The following CSMD3 variants were observed in gnomAD, a reference collection of about 807,000 sequenced individuals.
CSMD3 encodes the protein CUB and Sushi multiple domains 3, also known as CUB and sushi domain-containing protein 3.
Under a neutral mutation model 435.2 loss-of-function variants are expected in CSMD3, and 177 were observed. That is an observed-to-expected ratio of 0.41 (90% CI 0.36 to 0.46). CSMD3 has a LOEUF of 0.46. CSMD3 is among the 20% of genes least tolerant of loss of function. The pLI, the probability that CSMD3 is intolerant of heterozygous loss-of-function variation, is 0.34. For missense variants in CSMD3, 4,265 were observed against 4,504.6 expected, an observed-to-expected ratio of 0.95 and a Z score of 1.52; for synonymous variants, 1,656 against 1,520.5, an observed-to-expected ratio of 1.09 and a Z score of -2.07.
chr8:112,428,238 G>A (rs2130364268), intron 32 of CSMD3, among the ~76,000 whole-genome samples: 1 of 152,192 alleles, frequency 6.6e-6, no homozygotes, highest in African/African-American at 2.4e-5. Flanking sequence ...GTCTTTATCT[G>A]TAATTTAGTT....
intron 10 of CSMD3, among the ~76,000 whole-genome samples, chr8:112,870,135 G>A (rs191657475): frequency 2.0e-4 from 30 of 151,634 alleles, no homozygotes; most frequent in Admixed American, 1.6e-3. Context: ...GGGTACATGC[G>A]GCAAACATTT....
chr8:113,401,397 T>C (rs1381467351), intron 1 of CSMD3, among the ~76,000 whole-genome samples: 1 of 151,726 alleles, frequency 6.6e-6, no homozygotes, highest in African/African-American at 2.4e-5. Flanking sequence ...GTTGGTTTTA[T>C]TTAAATTTTA....
intron 10 of CSMD3, among the ~76,000 whole-genome samples, chr8:112,875,686 T>A (rs948879675): frequency 5.3e-5 from 8 of 152,194 alleles, no homozygotes; most frequent in African/African-American, 1.9e-4. Flanking sequence ...CAATCTCTGA[T>A]ATCCTTTCTT....
chr8:112,450,813 A>C (rs1816176068), intron 32 of CSMD3, among the ~76,000 whole-genome samples: 2 of 152,210 alleles, frequency 1.3e-5, no homozygotes, highest in South Asian at 4.1e-4. Flanking sequence ...TGAGATTGTA[A>C]ATTGGCTAGA....
chr8:113,062,194 G>T (rs971543450), intron 5 of CSMD3, among the ~76,000 whole-genome samples: 1 of 151,570 alleles, frequency 6.6e-6, no homozygotes, highest in African/African-American at 2.4e-5. Flanking sequence ...ATTGGTTTTT[G>T]TACAAAAAAA....
intron 4 of CSMD3, among the ~76,000 whole-genome samples, chr8:113,118,619 G>T (rs2090903393): frequency 6.6e-6 from 1 of 152,128 alleles, no homozygotes. Flanking sequence ...CTAGGATTGT[G>T]CCACTGCACT....
intron 4 of CSMD3, among the ~76,000 whole-genome samples, chr8:113,103,658 C>A: frequency 6.6e-6 from 1 of 152,038 alleles, no homozygotes; most frequent in East Asian, 1.9e-4. Context: ...TAGTAAACAT[C>A]ATTTTAATTG....
chr8:113,181,916 G>T (rs953254587), intron 3 of CSMD3, among the ~76,000 whole-genome samples: 1 of 151,912 alleles, frequency 6.6e-6, no homozygotes, highest in Non-Finnish European at 1.5e-5. Context: ...TAAGACTTTT[G>T]GATAAAGGTA....
intron 22 of CSMD3, among the ~76,000 whole-genome samples, chr8:112,621,570 G>GTATATT (rs1834074405): frequency 6.6e-6 from 1 of 152,108 alleles, no homozygotes; most frequent in South Asian, 2.1e-4. Flanking sequence ...TTGTGGCCAT[G>GTATATT]TATATTTGCA....
chr8:112,519,036 A>C (rs994049511), intron 27 of CSMD3, among the ~76,000 whole-genome samples: 6 of 152,180 alleles, frequency 3.9e-5, no homozygotes, highest in Admixed American at 3.9e-4. Context: ...ACCTCCCACC[A>C]AGCCCCTCCA....
intron 1 of CSMD3, among the ~76,000 whole-genome samples, chr8:113,371,768 C>T (rs2094347204): frequency 6.6e-6 from 1 of 152,046 alleles, no homozygotes; most frequent in Non-Finnish European, 1.5e-5. Flanking sequence ...TAAACACACT[C>T]AGATTCCTAA....
At chr8:113,251,202 C>T (rs1022666976) in intron 3 of CSMD3, among the ~76,000 whole-genome samples, 24 of 151,856 alleles carry the variant, frequency 1.6e-4, no homozygotes, top group Admixed American at 7.2e-4. Context: ...TTTTAATAAC[C>T]GGAGTCACTA....
chr8:113,105,187 C>T (rs1263879360), intron 4 of CSMD3, among the ~76,000 whole-genome samples: 1 of 151,840 alleles, frequency 6.6e-6, no homozygotes, highest in Non-Finnish European at 1.5e-5. Flanking sequence ...AAAATTAAAA[C>T]TGAGAAAAAT....
intron 7 of CSMD3, among the ~76,000 whole-genome samples, chr8:112,970,395 CAAAAAAAAAAAA>C (rs11284034): frequency 1.2e-5 from 1 of 82,196 alleles, no homozygotes; most frequent in South Asian, 4.0e-4. Context: ...GACTCCCTCT[CAAAAAAAAAAAA>C]AAAAAAAAAG....
chr8:113,434,642 T>G (rs2130122834), intron 1 of CSMD3, among the ~76,000 whole-genome samples: 1 of 152,366 alleles, frequency 6.6e-6, no homozygotes, highest in African/African-American at 2.4e-5. Flanking sequence ...ACGTATAGTC[T>G]GTAGAATATT....
At chr8:113,162,269 T>C (rs1303103719) in intron 4 of CSMD3, among the ~76,000 whole-genome samples, 4 of 151,962 alleles carry the variant, frequency 2.6e-5, no homozygotes, top group Non-Finnish European at 5.9e-5. Context: ...AGAATAACAA[T>C]AGCGGTTAAG....
chr8:113,420,186 C>A (rs2094603028), intron 1 of CSMD3, among the ~76,000 whole-genome samples: 1 of 152,044 alleles, frequency 6.6e-6, no homozygotes, highest in South Asian at 2.1e-4. Context: ...TGTAGATATA[C>A]TTAGTAAATG....
At chr8:113,176,873 C>T (rs1304858324) in intron 3 of CSMD3, among the ~76,000 whole-genome samples, 1 of 150,292 alleles carries the variant, frequency 6.7e-6, no homozygotes, top group Non-Finnish European at 1.5e-5. Context: ...CAAACCTGCA[C>T]ATCCTGGACA....
At chr8:112,556,254 T>C (rs564159809) in intron 25 of CSMD3, among the ~76,000 whole-genome samples, 2 of 136,238 alleles carry the variant, frequency 1.5e-5, no homozygotes, top group Non-Finnish European at 3.1e-5. Context: ...AGACAGAAAA[T>C]GATCATTCTC....
Sources: allele counts gnomAD v4.1 joint callset (sites outside exome capture counted in the v4.1 genomes callset), GRCh38; gene constraint gnomAD v4.1.1; transcripts MANE v1.5; gene names NCBI Gene and HGNC (gene_info 2026-07-23, HGNC 2026-07-21).